Variants in PCDH11X observed in about 807,000 individuals in gnomAD.
PCDH11X encodes protocadherin 11 X-linked.
In PCDH11X, 18 loss-of-function variants were observed where a neutral mutation model predicts 53.3. The ratio of observed to expected loss-of-function variants is 0.34; its 90% CI spans 0.23 to 0.50. The LOEUF (loss-of-function observed/expected upper bound fraction) is 0.50, where lower values mean the gene tolerates loss of function less well. Ranked by LOEUF, PCDH11X falls within the 20% of genes least tolerant of loss-of-function variation. PCDH11X has a pLI of 0.98. For missense variants in PCDH11X, 570 were observed against 1,032.4 expected, an observed-to-expected ratio of 0.55 and a Z score of 6.14; for synonymous variants, 279 against 393.3, an observed-to-expected ratio of 0.71 and a Z score of 3.44.
At chrX:92,363,132 G>T (rs1393590768) in intron 8 of PCDH11X, among the ~76,000 whole-genome samples, 1 of 110,902 alleles carries the variant, frequency 9.0e-6, no homozygotes, top group South Asian at 3.7e-4. Flanking sequence ...TTTCACTATT[G>T]CAGGTCTCTT....
intron 9 of PCDH11X, among the ~76,000 whole-genome samples, chrX:92,432,661 A>G (rs1309326953): frequency 9.2e-6 from 1 of 108,806 alleles, no homozygotes; most frequent in Admixed American, 9.9e-5. Context: ...AAAAAGGGGG[A>G]GGGAGGGTAG....
At chrX:92,431,835 C>G (rs2148625951) in intron 9 of PCDH11X, among the ~76,000 whole-genome samples, 1 of 109,308 alleles carries the variant, frequency 9.1e-6, no homozygotes, top group Admixed American at 9.8e-5. Flanking sequence ...ACAACTTAGA[C>G]AAGGTTAAAA....
At chrX:92,021,784 A>G (rs2062888127) in intron 6 of PCDH11X, among the ~76,000 whole-genome samples, 1 of 108,544 alleles carries the variant, frequency 9.2e-6, no homozygotes, top group African/African-American at 3.4e-5. Context: ...AGGCCAAGTC[A>G]CCTACAAAGG....
intron 6 of PCDH11X, among the ~76,000 whole-genome samples, chrX:92,064,112 T>C (rs1383290961): frequency 1.9e-5 from 2 of 103,145 alleles, no homozygotes; most frequent in African/African-American, 7.1e-5. Context: ...ATTGGTGTTC[T>C]TGGGTGAACT....
chrX:91,871,185 G>A (rs759365570), intron 5 of PCDH11X, among the ~76,000 whole-genome samples: 210 of 109,751 alleles, frequency 1.9e-3, no homozygotes, highest in African/African-American at 6.5e-3. Flanking sequence ...TATTATATCT[G>A]TATTGAGAAT....
intron 6 of PCDH11X, among the ~76,000 whole-genome samples, chrX:91,900,585 G>C (rs1266574867): frequency 9.1e-6 from 1 of 110,411 alleles, no homozygotes; most frequent in African/African-American, 3.3e-5. Flanking sequence ...GGATGATGGG[G>C]AACACTGTGG....
intron 8 of PCDH11X, among the ~76,000 whole-genome samples, chrX:92,326,667 G>A (rs2069343713): frequency 1.6e-5 from 1 of 60,870 alleles, no homozygotes; most frequent in African/African-American, 8.9e-5. Context: ...GAGAGAGAAA[G>A]AGACAGTGGA....
Position 92,287,324 on chromosome X carries a change from C to T in PCDH11X, c.3144+24181C>T, listed in dbSNP as rs1236113939. Reference sequence around the variant, plus strand: ...CATATATTAGGTATTTGTCCTAATGCTCTCCCTCCCCTTGTCCACCACCCC... The same window carrying T: ...CATATATTAGGTATTTGTCCTAATGTTCTCCCTCCCCTTGTCCACCACCCC... On this transcript the variant is annotated intron_variant, in intron 8 of 10. Transcript: ENST00000682573. Among the ~76,000 whole-genome samples, 19 of 111,174 alleles carry T rather than the reference C, an allele frequency of 1.7e-4. No individual in the cohort carries two copies. In the Admixed American group the frequency reaches 1.8e-3, roughly 11 times the overall value.
At chrX:92,239,736 A>G (rs2148382662) in intron 7 of PCDH11X, among the ~76,000 whole-genome samples, 1 of 111,431 alleles carries the variant, frequency 9.0e-6, no homozygotes, top group East Asian at 2.8e-4. Flanking sequence ...AGTGTATACC[A>G]TAGTTATTTA....
intron 10 of PCDH11X, among the ~76,000 whole-genome samples, chrX:92,588,863 G>A (rs1924700273): frequency 9.1e-6 from 1 of 110,305 alleles, no homozygotes; most frequent in Non-Finnish European, 1.9e-5. Context: ...ACGACCTCAA[G>A]GCATTTAATA....
chrX:92,148,098 CTTT>C (rs2065344048), intron 6 of PCDH11X, among the ~76,000 whole-genome samples: 1 of 19,272 alleles, frequency 5.2e-5, no homozygotes, highest in Non-Finnish European at 9.0e-5. Context: ...TTCTTTCTTT[CTTT>C]CTTTCTTTCT....
intron 4 of PCDH11X, among the ~76,000 whole-genome samples, chrX:91,815,792 C>T (rs1936432096): frequency 9.3e-6 from 1 of 107,248 alleles, no homozygotes; most frequent in Non-Finnish European, 1.9e-5. Flanking sequence ...AATATATTGA[C>T]ACATGGGAAA....
At chrX:92,561,638 G>A (rs2075132783) in intron 10 of PCDH11X, among the ~76,000 whole-genome samples, 1 of 109,427 alleles carries the variant, frequency 9.1e-6, no homozygotes, top group Non-Finnish European at 1.9e-5. Flanking sequence ...AAACAAAGAA[G>A]CATCACTACA....
chrX:92,435,043 G>A (rs1425071263), intron 9 of PCDH11X, among the ~76,000 whole-genome samples: 5 of 110,704 alleles, frequency 4.5e-5, no homozygotes, highest in African/African-American at 1.6e-4. Context: ...TTGAGAATAT[G>A]GATAAGAACA....
At chrX:91,828,544 C>G (rs1257349056) in intron 4 of PCDH11X, among the ~76,000 whole-genome samples, 1 of 110,022 alleles carries the variant, frequency 9.1e-6, no homozygotes, top group East Asian at 2.8e-4. Context: ...TGAGGTGACA[C>G]AAAACAAAAA....
intron 6 of PCDH11X, among the ~76,000 whole-genome samples, chrX:91,952,031 G>T (rs2147873166): frequency 9.1e-6 from 1 of 110,122 alleles, no homozygotes; most frequent in African/African-American, 3.3e-5. Flanking sequence ...AGAGCTGGAT[G>T]CCAGAAAGAA....
chrX:92,537,632 C>A, intron 10 of PCDH11X, among the ~76,000 whole-genome samples: 1 of 89,807 alleles, frequency 1.1e-5, no homozygotes, highest in African/African-American at 4.1e-5. Context: ...TATATGAACC[C>A]AAATAGCATA....
At position 92,529,001 on chromosome X, in the gene PCDH11X, A is replaced by G. The variant is rs34873716; in HGVS notation, c.3367+60679A>G. Among the ~76,000 whole-genome samples, 5 of 111,473 alleles carry G rather than the reference A, an allele frequency of 4.5e-5. No individual in the cohort carries two copies. In the East Asian group the frequency reaches 1.4e-3, roughly 32 times the overall value. The stretch of plus-strand genomic sequence containing the variant: ...ATACTTTAAACAAACCCAGCCTTAC[A>G]TTAGATTTAGATCGCTGTCTGAACT... On this transcript the variant is annotated intron_variant, in intron 10 of 10. Transcript: ENST00000682573.
intron 10 of PCDH11X, among the ~76,000 whole-genome samples, chrX:92,489,201 A>G (rs1250226496): frequency 1.8e-5 from 2 of 110,124 alleles, no homozygotes; most frequent in African/African-American, 3.3e-5. Context: ...TCATACAACC[A>G]GAAATCTAGA....
Sources: allele counts gnomAD v4.1 joint callset (sites outside exome capture counted in the v4.1 genomes callset), GRCh38; gene constraint gnomAD v4.1.1; transcripts MANE v1.5; gene names NCBI Gene and HGNC (gene_info 2026-07-23, HGNC 2026-07-21).